The following RPH3A variants were observed in gnomAD, a reference collection of about 807,000 sequenced individuals.
RPH3A encodes the protein rabphilin 3A.
In RPH3A, 48 loss-of-function variants were observed where a neutral mutation model predicts 102.2. The observed-to-expected ratio is 0.47, with a 90% CI of 0.37 to 0.60. RPH3A has a LOEUF of 0.60. Among genes scored for constraint, RPH3A ranks in the 20% least tolerant of loss-of-function variants. The pLI is 0.00. For synonymous variants in RPH3A, 310 were observed against 324.3 expected (o/e 0.96, Z 0.47); for missense variants, 781 against 910.1 (o/e 0.86, Z 1.83).
At chr12:112,870,547 G>A (rs759438776) in intron 10 of RPH3A, among the ~76,000 whole-genome samples, 21 of 152,134 alleles carry the variant, frequency 1.4e-4, no homozygotes, top group Non-Finnish European at 2.8e-4. Flanking sequence ...ATTGGTAGGG[G>A]TCATGGAGCA....
At chr12:112,749,418 G>T (rs1263320983) in intron 1 of RPH3A, among the ~76,000 whole-genome samples, 1 of 152,166 alleles carries the variant, frequency 6.6e-6, no homozygotes, top group Admixed American at 6.5e-5. Flanking sequence ...GCTCTCATCT[G>T]TAAAAGGAGG....
At chr12:112,661,824 T>C (rs2040050352) in intron 1 of RPH3A, among the ~76,000 whole-genome samples, 1 of 152,078 alleles carries the variant, frequency 6.6e-6, no homozygotes, top group Non-Finnish European at 1.5e-5. Context: ...AAACACTTTG[T>C]TTCTGTGGCA....
chr12:112,785,095 G>A (rs1345476462), intron 1 of RPH3A, among the ~76,000 whole-genome samples: 2 of 152,178 alleles, frequency 1.3e-5, no homozygotes, highest in East Asian at 3.9e-4. Flanking sequence ...GGTGGTGCAT[G>A]CCTCTAATCC....
intron 1 of RPH3A, among the ~76,000 whole-genome samples, chr12:112,632,620 A>G (rs1463796404): frequency 6.6e-6 from 1 of 152,122 alleles, no homozygotes. Flanking sequence ...ATCAACTTAC[A>G]TATTCTTCAC....
At chr12:112,648,776 C>G (rs982181218) in intron 1 of RPH3A, among the ~76,000 whole-genome samples, 9 of 146,850 alleles carry the variant, frequency 6.1e-5, no homozygotes, top group African/African-American at 2.2e-4. Flanking sequence ...ATGGAAATTA[C>G]TGATTTAAAA....
intron 4 of RPH3A, among the ~76,000 whole-genome samples, chr12:112,846,036 G>C (rs189553969): frequency 1.3e-4 from 20 of 152,304 alleles, no homozygotes; most frequent in Admixed American, 2.6e-4. Flanking sequence ...GGCCAGTGCA[G>C]CTGGAGCCTA....
At chr12:112,842,543 A>G (rs937078608) in intron 4 of RPH3A, among the ~76,000 whole-genome samples, 4 of 152,178 alleles carry the variant, frequency 2.6e-5, no homozygotes, top group Non-Finnish European at 2.9e-5. Context: ...CCCCTCTCTT[A>G]GGTTACTGTA....
At chr12:112,876,902 A>G (rs745377970) in intron 13 of RPH3A, 36 bp downstream of exon 13, 1 of 1,510,192 alleles carries the variant, frequency 6.6e-7, no homozygotes, top group Non-Finnish European at 8.9e-7. Context: ...TCTTGGAAAA[A>G]TCACTTCAGG....
At chr12:112,711,885 T>C (rs976228170) in intron 1 of RPH3A, among the ~76,000 whole-genome samples, 3 of 152,182 alleles carry the variant, frequency 2.0e-5, no homozygotes, top group African/African-American at 7.2e-5. Flanking sequence ...CAGGCTGGAG[T>C]GCAATGGTGC....
intron 1 of RPH3A, among the ~76,000 whole-genome samples, chr12:112,616,756 G>T (rs1419616): frequency 0.28 from 41,983 of 152,084 alleles, 7,459 homozygotes; most frequent in East Asian, 0.65. Context: ...GATCTCTTAA[G>T]TATCCACCCA....
intron 1 of RPH3A, among the ~76,000 whole-genome samples, chr12:112,640,699 G>A (rs920182363): frequency 2.6e-5 from 4 of 152,150 alleles, no homozygotes; most frequent in African/African-American, 7.2e-5. Flanking sequence ...TTGTGGCCAC[G>A]GAATTTAATA....
Position 112,874,224 on chromosome 12 carries a change from C to T in RPH3A, c.797-860C>T, listed in dbSNP as rs1175251313. On this transcript the variant is annotated intron_variant, in intron 10 of 21. Coordinates refer to ENST00000389385, the MANE Select transcript of RPH3A (RefSeq NM_001143854.2). ...TCTGGGTACCAGAAACTGCTGCACA[C>T]ATCATTCCATTCAGTCCCTCTCTGG... The T allele has an allele frequency of 2.6e-5, 4 of 152,214 alleles. No individual in the cohort carries two copies. In the East Asian group the frequency reaches 7.7e-4, roughly 29 times the overall value. 9.4% of individuals were successfully genotyped at this position (152,214 alleles called of 1,614,324 possible).
At chr12:112,755,298 TACACAC>T (rs58229294) in intron 1 of RPH3A, among the ~76,000 whole-genome samples, 36,299 of 145,706 alleles carry the variant, frequency 0.25, 4,693 homozygotes, top group South Asian at 0.4. Context: ...TATATGTATA[TACACAC>T]ACACACACAC....
intron 1 of RPH3A, among the ~76,000 whole-genome samples, chr12:112,753,447 G>A (rs1039137703): frequency 1.3e-5 from 2 of 152,198 alleles, no homozygotes; most frequent in Non-Finnish European, 2.9e-5. Context: ...ACTCAGGTGA[G>A]CCACTTCCTG....
At chr12:112,798,726 T>C (rs1016973606) in intron 2 of RPH3A, among the ~76,000 whole-genome samples, 2 of 152,022 alleles carry the variant, frequency 1.3e-5, no homozygotes, top group East Asian at 3.9e-4. Flanking sequence ...TAAGTCTCTG[T>C]CTTTATCTCT....
At chr12:112,729,286 C>T (rs1187016582) in intron 1 of RPH3A, among the ~76,000 whole-genome samples, 1 of 152,078 alleles carries the variant, frequency 6.6e-6, no homozygotes, top group Non-Finnish European at 1.5e-5. Context: ...AGCTAGGAGA[C>T]TGAAATCCTC....
At chr12:112,805,736 A>T (rs974142868) in intron 2 of RPH3A, among the ~76,000 whole-genome samples, 7 of 152,162 alleles carry the variant, frequency 4.6e-5, no homozygotes, top group African/African-American at 1.7e-4. Context: ...TCATTTTTTT[A>T]AAAAGGGGAT....
At chr12:112,804,071 T>C (rs1318051248) in intron 2 of RPH3A, among the ~76,000 whole-genome samples, 1 of 152,230 alleles carries the variant, frequency 6.6e-6, no homozygotes, top group African/African-American at 2.4e-5. Context: ...TTCAGTTTTG[T>C]TTCGCAATAA....
At chr12:112,822,758 C>T (rs1389295882) in intron 2 of RPH3A, among the ~76,000 whole-genome samples, 1 of 152,218 alleles carries the variant, frequency 6.6e-6, no homozygotes, top group Non-Finnish European at 1.5e-5. Context: ...ACTCAGTTAT[C>T]CCATCTGTAA....
Sources: gnomAD v4.1 joint callset for allele counts (sites outside exome capture counted in the v4.1 genomes callset) on GRCh38, gnomAD v4.1.1 for gene constraint, MANE v1.5 for transcripts, NCBI Gene and HGNC (gene_info 2026-07-23, HGNC 2026-07-21) for gene names.